Variants in LIMA1 observed in about 807,000 individuals in gnomAD.
LIMA1 encodes the protein LIM domain and actin binding 1, also known as LIM domain and actin-binding protein 1.
A neutral mutation model predicts 62.6 loss-of-function variants in LIMA1; 52 were observed. That is an observed-to-expected ratio of 0.83 (90% CI 0.67 to 1.05). The LOEUF (loss-of-function observed/expected upper bound fraction) is 1.05, where lower values mean the gene tolerates loss of function less well. LIMA1 is among the 50% of genes least tolerant of loss of function. The pLI, the probability that LIMA1 is intolerant of heterozygous loss-of-function variation, is 0.00. For synonymous variants in LIMA1, 302 were observed against 317.8 expected (o/e 0.95, Z 0.53); for missense variants, 780 against 902.2 (o/e 0.86, Z 1.74).
At position 50,222,348 on chromosome 12, in the gene LIMA1, T is replaced by C; in HGVS notation, c.303A>G (p.Ala101=). The C allele has an allele frequency of 2.5e-6, 4 of 1,614,182 alleles. No individual in the cohort carries two copies. Among genetic ancestry groups the C allele is most frequent in the Non-Finnish European group, 3.4e-6 (4 of 1,180,032 alleles). Residue 101 remains alanine, a synonymous_variant, in exon 4 of 11, where the codon GCA becomes GCG. Coordinates refer to ENST00000341247, the MANE Select transcript of LIMA1 (RefSeq NM_016357.5). The part of the protein sequence containing the change: ...RNSSTEIRHR[A]DHPPAEVTSH... ...TTGTCACTTCAGCAGGAGGATGGTC[T>C]GCTCTGTGCCTAATCTCAGTGCTGC... is the stretch of plus-strand genomic sequence containing the variant.
At chr12:50,179,044 T>C (rs11169300) in intron 10 of LIMA1, among the ~76,000 whole-genome samples, 107,059 of 151,262 alleles carry the variant, frequency 0.71, 38,965 homozygotes, top group East Asian at 0.92. Flanking sequence ...TGCACAATCT[T>C]GGCTCACTGC....
chr12:50,194,366 A>G (rs1307419831), intron 8 of LIMA1, among the ~76,000 whole-genome samples: 1 of 151,396 alleles, frequency 6.6e-6, no homozygotes, highest in Non-Finnish European at 1.5e-5. Context: ...GTGCGATCTC[A>G]GCTCACTGCA....
chr12:50,203,397 T>A (rs1475408507), intron 6 of LIMA1, among the ~76,000 whole-genome samples: 1 of 151,946 alleles, frequency 6.6e-6, no homozygotes, highest in East Asian at 1.9e-4. Context: ...GACCCTCCAT[T>A]GTATTTTGAA....
At chr12:50,186,151 G>T (rs1280999929) in intron 9 of LIMA1, 1 of 152,278 alleles carries the variant, frequency 6.6e-6, no homozygotes, top group Non-Finnish European at 1.5e-5. Context: ...CACAGGCCTG[G>T]CATACATCCT....
At chr12:50,179,930 C>T (rs887368558) in intron 10 of LIMA1, among the ~76,000 whole-genome samples, 12 of 151,252 alleles carry the variant, frequency 7.9e-5, no homozygotes, top group African/African-American at 2.7e-4. Flanking sequence ...TTTGGGAGGC[C>T]GAGGTGGGCA....
intron 1 of LIMA1, among the ~76,000 whole-genome samples, chr12:50,277,345 C>T (rs1463328288): frequency 6.6e-6 from 1 of 152,102 alleles, no homozygotes; most frequent in African/African-American, 2.4e-5. Flanking sequence ...CTTGCTACTC[C>T]GGTGGACACT....
chr12:50,220,755 A>C (rs555726112), intron 4 of LIMA1, among the ~76,000 whole-genome samples: 2 of 152,298 alleles, frequency 1.3e-5, no homozygotes, highest in South Asian at 2.1e-4. Flanking sequence ...AAAACCATAA[A>C]GGGGAAAGAA....
intron 2 of LIMA1, among the ~76,000 whole-genome samples, chr12:50,245,881 G>T (rs1941841456): frequency 6.6e-6 from 1 of 152,170 alleles, no homozygotes; most frequent in South Asian, 2.1e-4. Context: ...CATTATTGGA[G>T]ATATAGAAGA....
In LIMA1 at chr12:50,232,919, G is replaced by A. The variant is rs924538931; in HGVS notation, c.120-1209C>T. On this transcript the variant is annotated intron_variant, in intron 2 of 10. Coordinates refer to ENST00000341247, the MANE Select transcript of LIMA1 (RefSeq NM_016357.5). ...CGAGAATCGCCTCAACCCAGGAGGCGGAGGTTGCAGTGAGCTGAGATCACG... is the reference window on the plus strand; with the variant it reads ...CGAGAATCGCCTCAACCCAGGAGGCAGAGGTTGCAGTGAGCTGAGATCACG... Among the ~76,000 whole-genome samples, 5 of 152,318 alleles carry A rather than the reference G, an allele frequency of 3.3e-5. No individual in the cohort carries two copies. In the East Asian group the frequency reaches 5.8e-4, roughly 18 times the overall value.
chr12:50,217,317 C>T (rs1565844841), intron 4 of LIMA1, among the ~76,000 whole-genome samples: 1 of 152,044 alleles, frequency 6.6e-6, no homozygotes, highest in South Asian at 2.1e-4. Context: ...TCTCTCCAGA[C>T]TGAGATCAAG....
intron 3 of LIMA1, among the ~76,000 whole-genome samples, chr12:50,224,860 T>C (rs915217836): frequency 6.6e-6 from 1 of 151,240 alleles, no homozygotes. Flanking sequence ...GCCTCCTGAG[T>C]AGCTAGGACT....
intron 2 of LIMA1, 126 bp from the exon 3 acceptor site, chr12:50,231,836 C>A: frequency 4.9e-6 from 4 of 816,892 alleles, no homozygotes; most frequent in South Asian, 4.8e-5. Flanking sequence ...GGTGCGATCT[C>A]GGCTCACTGC....
chr12:50,195,674 G>T, intron 8 of LIMA1, 156 bp downstream of exon 8: 1 of 583,060 alleles, frequency 1.7e-6, no homozygotes, highest in Non-Finnish European at 2.8e-6. Context: ...CTTAAGCCAT[G>T]AAGTGTGTAA....
chr12:50,213,903 AGAG>A (rs1315795119), intron 4 of LIMA1, among the ~76,000 whole-genome samples: 13 of 152,208 alleles, frequency 8.5e-5, no homozygotes, highest in African/African-American at 3.1e-4. Context: ...GAAAGTAAGC[AGAG>A]AAGAAGAGAT....
chr12:50,282,876 CA>C (rs1033916452), intron 1 of LIMA1, among the ~76,000 whole-genome samples: 1 of 152,158 alleles, frequency 6.6e-6, no homozygotes, highest in African/African-American at 2.4e-5. Flanking sequence ...ATGTCGGGGG[CA>C]AGTGCCAGCG....
chr12:50,179,173 C>G (rs757958503), intron 10 of LIMA1, among the ~76,000 whole-genome samples: 1 of 151,006 alleles, frequency 6.6e-6, no homozygotes, highest in Non-Finnish European at 1.5e-5. Flanking sequence ...GTTAGAGTCT[C>G]GCTCTGTCGC....
chr12:50,279,962 A>G (rs908858668), intron 1 of LIMA1, among the ~76,000 whole-genome samples: 15 of 152,190 alleles, frequency 9.9e-5, no homozygotes, highest in African/African-American at 3.6e-4. Context: ...GTAATGAAAC[A>G]AAAATGGCAA....
chr12:50,179,304 G>A lies in LIMA1; in HGVS notation c.1275-1235C>T, dbSNP rs537565424. Among the ~76,000 whole-genome samples, 12 of 152,012 alleles carry A rather than the reference G, an allele frequency of 7.9e-5. No individual in the cohort carries two copies. In the South Asian group the frequency reaches 2.3e-3, roughly 29 times the overall value. Reference sequence around the variant, plus strand: ...CTACAGGTGTGTGCCACCATGCACGGCAAATTTTTGTATTTTTAGTAGAGA... The same window carrying A: ...CTACAGGTGTGTGCCACCATGCACGACAAATTTTTGTATTTTTAGTAGAGA... On this transcript the variant is annotated intron_variant, in intron 10 of 10. Transcript: ENST00000341247.
At chr12:50,182,259 A>AC in intron 9 of LIMA1, 3 of 426,366 alleles carry the variant, frequency 7.0e-6, no homozygotes, top group Non-Finnish European at 1.3e-5. Flanking sequence ...TGTAGCAGCC[A>AC]CCAAGGATAG....
Sources: allele counts gnomAD v4.1 joint callset (sites outside exome capture counted in the v4.1 genomes callset), GRCh38; gene constraint gnomAD v4.1.1; transcripts MANE v1.5; gene names NCBI Gene and HGNC (gene_info 2026-07-23, HGNC 2026-07-21).